ADAD1: variants seen among roughly 807,000 people sequenced by gnomAD.
ADAD1 encodes the protein adenosine deaminase domain containing 1.
In ADAD1, 46 loss-of-function variants were observed where a neutral mutation model predicts 66.8. The ratio of observed to expected loss-of-function variants is 0.69; its 90% CI spans 0.54 to 0.88. The LOEUF (loss-of-function observed/expected upper bound fraction) is 0.88, where lower values mean the gene tolerates loss of function less well. ADAD1 is among the 40% of genes least tolerant of loss of function. The pLI, the probability that ADAD1 is intolerant of heterozygous loss-of-function variation, is 0.00. For missense variants in ADAD1, 617 were observed against 681.8 expected, an observed-to-expected ratio of 0.91 and a Z score of 1.06; for synonymous variants, 248 against 229.4, an observed-to-expected ratio of 1.08 and a Z score of -0.73.
intron 5 of ADAD1, among the ~76,000 whole-genome samples, chr4:122,391,118 C>A (rs751420117): frequency 6.6e-6 from 1 of 152,156 alleles, no homozygotes; most frequent in Non-Finnish European, 1.5e-5. Context: ...TCAGGTCCCT[C>A]TTCTGCAAGG....
At chr4:122,406,206 G>A (rs1236941572) in intron 7 of ADAD1, among the ~76,000 whole-genome samples, 1 of 152,034 alleles carries the variant, frequency 6.6e-6, no homozygotes, top group Non-Finnish European at 1.5e-5. Flanking sequence ...AACATATAAG[G>A]GTTTTATCTA....
intron 12 of ADAD1, among the ~76,000 whole-genome samples, chr4:122,428,237 G>A (rs1405195334): frequency 6.6e-6 from 1 of 151,936 alleles, no homozygotes; most frequent in Non-Finnish European, 1.5e-5. Context: ...TACATTATTA[G>A]GCAAATTTCT....
rs554301642 is a variant in ADAD1 at position 122,429,224 on chromosome 4, A to C, written c.1618-402A>C. 1.6e-3 allele frequency among the ~76,000 whole-genome samples: 239 copies of C among 152,110 alleles called. 1 individual carries two copies. Among genetic ancestry groups the C allele is most frequent in the African/African-American group, 5.5e-3 (228 of 41,512 alleles). On this transcript the variant is annotated intron_variant, in intron 12 of 12. Coordinates refer to ENST00000296513, the MANE Select transcript of ADAD1 (RefSeq NM_139243.4). ...CAAGGTGGGAGGACCACTTGAGGCC[A>C]GGAGTTCAAGACCACCCTAGGCAAC...
At chr4:122,381,694 T>A (rs1048545199) in intron 4 of ADAD1, among the ~76,000 whole-genome samples, 2 of 152,240 alleles carry the variant, frequency 1.3e-5, no homozygotes, top group Admixed American at 6.5e-5. Flanking sequence ...TGTGAAAGGC[T>A]ACACGAGTAC....
At chr4:122,399,868 T>G (rs529589829) in intron 7 of ADAD1, among the ~76,000 whole-genome samples, 1 of 151,904 alleles carries the variant, frequency 6.6e-6, no homozygotes, top group Non-Finnish European at 1.5e-5. Context: ...TGGAACTTTA[T>G]TGAATTCATT....
Position 122,418,306 on chromosome 4 carries a change from CTTT to C in ADAD1, c.1487+2709_1487+2711del, listed in dbSNP as rs10527795. Among the ~76,000 whole-genome samples the C allele has an allele frequency of 1.6e-4, 15 of 94,636 alleles. No individual in the cohort carries two copies. In the East Asian group the frequency reaches 4.5e-3, roughly 28 times the overall value. 62.1% of individuals were successfully genotyped at this position (94,636 alleles called of 152,430 possible). On this transcript the variant is annotated intron_variant, in intron 11 of 12. Coordinates refer to ENST00000296513, the MANE Select transcript of ADAD1 (RefSeq NM_139243.4). The stretch of plus-strand genomic sequence containing the variant: ...GGAGGAAAAATATAAACGTTATTTT[CTTT>C]TTTTTTTTTTTTTTTTTTGAGACGG...
rs1796985114 is a variant in ADAD1, at chr4:122,421,173, TG to T, written c.1488-87del. 8 of 1,031,608 alleles carry T rather than the reference TG, an allele frequency of 7.8e-6. No individual in the cohort carries two copies. In the South Asian group the frequency reaches 2.6e-4, roughly 34 times the overall value. The allele number at this position is 1,031,608 out of a possible 1,614,324, so 63.9% of individuals were successfully genotyped here. The stretch of plus-strand genomic sequence containing the variant: ...TATTGCAAATAATCAAGAAATATTT[TG>T]TAGATCCATATTGATTTTAATCTAT... On this transcript the variant is annotated intron_variant, in intron 11 of 12. Transcript: ENST00000296513.
intron 7 of ADAD1, among the ~76,000 whole-genome samples, chr4:122,402,619 C>G (rs78555110): frequency 6.6e-6 from 1 of 152,088 alleles, no homozygotes; most frequent in East Asian, 1.9e-4. Flanking sequence ...TCTTCTTCCT[C>G]AAGAACACCA....
chr4:122,389,998 A>T (rs557377705), intron 5 of ADAD1, among the ~76,000 whole-genome samples: 1 of 152,048 alleles, frequency 6.6e-6, no homozygotes, highest in South Asian at 2.1e-4. Flanking sequence ...GCTCTTTCCG[A>T]TTTTTCATTT....
At position 122,412,600 on chromosome 4, in the gene ADAD1, T is replaced by C; in HGVS notation, c.1040T>C (p.Ile347Thr). 2 of 1,613,746 alleles carry C rather than the reference T, an allele frequency of 1.2e-6. No individual in the cohort carries two copies. ...TCTAGACGTCTTAATCCACATTCTA[T>C]ATCTGCATTTGAAGCCAATGAAGAA... ...KSQLRLNPHS[I>T]SAFEANEELC... Residue 347 changes from isoleucine to threonine, a missense_variant, in exon 10 of 13, where the codon ATA becomes ACA. By Grantham distance (89) the Ile-to-Thr change is moderately conservative (BLOSUM62 -1). Transcript: ENST00000296513.
intron 10 of ADAD1, among the ~76,000 whole-genome samples, chr4:122,413,264 T>C (rs1438799044): frequency 2.6e-5 from 4 of 152,174 alleles, no homozygotes; most frequent in Non-Finnish European, 5.9e-5. Context: ...ATTATTTTAC[T>C]TTTCAAAAAG....
chr4:122,406,965 G>T (rs1049185500), intron 7 of ADAD1, among the ~76,000 whole-genome samples: 1 of 151,826 alleles, frequency 6.6e-6, no homozygotes, highest in Non-Finnish European at 1.5e-5. Flanking sequence ...TGTTTCTTCT[G>T]CTGTAAGCCT....
chr4:122,398,768 A>G (rs1795831803), intron 7 of ADAD1, among the ~76,000 whole-genome samples: 1 of 151,414 alleles, frequency 6.6e-6, no homozygotes, highest in Non-Finnish European at 1.5e-5. Flanking sequence ...TCCATGTTAT[A>G]TCTTCTTTTG....
chr4:122,407,831 A>G, intron 7 of ADAD1, 77 bp from the exon 8 acceptor site: 1 of 1,385,862 alleles, frequency 7.2e-7, no homozygotes. Flanking sequence ...ATTAAAAATG[A>G]TGAGATAGAG....
At chr4:122,426,146 A>G (rs1316642446) in intron 12 of ADAD1, among the ~76,000 whole-genome samples, 1 of 152,146 alleles carries the variant, frequency 6.6e-6, no homozygotes, top group Non-Finnish European at 1.5e-5. Flanking sequence ...AAATTATCAA[A>G]ATCTGGAATT....
intron 9 of ADAD1, 108 bp downstream of exon 9, chr4:122,411,500 C>G (rs1796465647): frequency 8.7e-7 from 1 of 1,155,426 alleles, no homozygotes; most frequent in East Asian, 2.8e-5. Context: ...CGTATTTTCT[C>G]TTCAGCTTTG....
intron 6 of ADAD1, among the ~76,000 whole-genome samples, chr4:122,395,795 A>G (rs1456306099): frequency 6.6e-6 from 1 of 152,206 alleles, no homozygotes; most frequent in Admixed American, 6.5e-5. Context: ...TAGTGAGAAC[A>G]TGGAACTATA....
At chr4:122,428,851 A>C (rs1797380739) in intron 12 of ADAD1, among the ~76,000 whole-genome samples, 1 of 152,122 alleles carries the variant, frequency 6.6e-6, no homozygotes, top group African/African-American at 2.4e-5. Flanking sequence ...CTATGAATTC[A>C]TTAAAAAACA....
Position 122,412,567 on chromosome 4 carries a change from T to C in ADAD1, c.1020-13T>C. On this transcript the variant is annotated splice_polypyrimidine_tract_variant and intron_variant, in intron 9 of 12. Transcript: ENST00000296513. ...TGTTTTTTAAAGGAAGAAACTTTCTTTTCTTTCTCTAGACGTCTTAATCCA... is the reference window on the plus strand; with the variant it reads ...TGTTTTTTAAAGGAAGAAACTTTCTCTTCTTTCTCTAGACGTCTTAATCCA... 1 of 1,608,342 alleles carries C rather than the reference T, an allele frequency of 6.2e-7. No individual in the cohort carries two copies. Among genetic ancestry groups the C allele is most frequent in the Non-Finnish European group, 8.5e-7 (1 of 1,177,406 alleles).
Sources: allele counts gnomAD v4.1 joint callset (sites outside exome capture counted in the v4.1 genomes callset), GRCh38; gene constraint gnomAD v4.1.1; transcripts MANE v1.5; gene names NCBI Gene and HGNC (gene_info 2026-07-23, HGNC 2026-07-21).